LCORL: variants seen among roughly 807,000 people sequenced by gnomAD.
LCORL encodes ligand dependent nuclear receptor corepressor like.
LCORL carries 41 observed loss-of-function variants against 141.8 expected under a neutral mutation model. The observed-to-expected ratio is 0.29, with a 90% CI of 0.23 to 0.38. LCORL has a LOEUF of 0.38. Among genes scored for constraint, LCORL ranks in the 10% least tolerant of loss-of-function variants. The pLI, the probability that LCORL is intolerant of heterozygous loss-of-function variation, is 1.00. For synonymous variants in LCORL, 618 were observed against 694.1 expected (o/e 0.89, Z 1.72); for missense variants, 1,759 against 2,035.0 (o/e 0.86, Z 2.61).
chr4:17,903,837 G>T (rs188044042), intron 5 of LCORL, among the ~76,000 whole-genome samples: 299 of 152,130 alleles, frequency 2.0e-3, no homozygotes, highest in Non-Finnish European at 3.0e-3. Flanking sequence ...AAGTTGAAAA[G>T]ATTTGTAGAG....
At chr4:17,843,207 G>A in exon 8 of LCORL, 13 of 1,361,222 alleles carry the variant, frequency 9.6e-6, no homozygotes, top group Non-Finnish European at 1.3e-5. Context: ...ATTAAACACT[G>A]ATAGAATGTG....
chr4:17,916,365 T>C (rs1209441204), intron 4 of LCORL, among the ~76,000 whole-genome samples: 1 of 152,120 alleles, frequency 6.6e-6, no homozygotes, highest in Admixed American at 6.5e-5. Context: ...AAACCACTGG[T>C]GTTTTGGTAA....
At chr4:17,869,389 C>G (rs73242122) in intron 7 of LCORL, among the ~76,000 whole-genome samples, 28,331 of 151,924 alleles carry the variant, frequency 0.19, 3,440 homozygotes, top group East Asian at 0.46. Flanking sequence ...TGTTAGTCCA[C>G]CAAAGCTACT....
chr4:17,911,937 T>A (rs930845822), intron 4 of LCORL: 7 of 564,692 alleles, frequency 1.2e-5, no homozygotes, highest in Non-Finnish European at 2.4e-5. Flanking sequence ...AAAGTCTGAA[T>A]GGCCAGACCA....
At chr4:17,909,154 C>G (rs778121199) in exon 5 of LCORL, 14 of 1,613,246 alleles carry the variant, frequency 8.7e-6, no homozygotes, top group Non-Finnish European at 1.2e-5. Context: ...CCTTCCTGCT[C>G]TTCCTGAAGG....
At chr4:17,886,773 A>C (rs573659894) in intron 5 of LCORL, among the ~76,000 whole-genome samples, 22 of 152,214 alleles carry the variant, frequency 1.4e-4, no homozygotes, top group African/African-American at 5.3e-4. Context: ...ACGATAATGC[A>C]ACTTTAGAAA....
At chr4:17,866,980 G>A in intron 7 of LCORL, 1 of 985,222 alleles carries the variant, frequency 1.0e-6, no homozygotes, top group Non-Finnish European at 1.2e-6. Context: ...AAGAAGAAAA[G>A]GGTGACCCTT....
At chr4:17,845,838 A>G (rs768308006) in exon 8 of LCORL, 2 of 1,613,622 alleles carry the variant, frequency 1.2e-6, no homozygotes, top group Admixed American at 3.3e-5. Flanking sequence ...TGGGGCTCAA[A>G]GGGCAACTTG....
intron 1 of LCORL, among the ~76,000 whole-genome samples, chr4:17,982,073 T>G (rs1718080629): frequency 6.6e-6 from 1 of 151,538 alleles, no homozygotes; most frequent in East Asian, 1.9e-4. Flanking sequence ...GAGCTTGTTC[T>G]TTTTCATGGC....
At chr4:17,871,863 A>G (rs765012717) in intron 7 of LCORL, among the ~76,000 whole-genome samples, 1 of 151,982 alleles carries the variant, frequency 6.6e-6, no homozygotes, top group Non-Finnish European at 1.5e-5. Context: ...ACTTTGGCCA[A>G]CCTTTAAAAT....
intron 5 of LCORL, among the ~76,000 whole-genome samples, chr4:17,900,368 T>A (rs927149889): frequency 6.6e-6 from 1 of 152,198 alleles, no homozygotes; most frequent in African/African-American, 2.4e-5. Context: ...ATTCCTGCCC[T>A]GAGTTTTGAT....
intron 1 of LCORL, among the ~76,000 whole-genome samples, chr4:17,991,249 T>A (rs1012811129): frequency 1.3e-5 from 2 of 152,202 alleles, no homozygotes; most frequent in African/African-American, 4.8e-5. Flanking sequence ...GCTCATTCAT[T>A]CTTCTTTGCT....
At chr4:17,873,812 G>T (rs1426538159) in exon 7 of LCORL, 7 of 1,233,796 alleles carry the variant, frequency 5.7e-6, no homozygotes, top group Non-Finnish European at 7.1e-6. Flanking sequence ...ATATTCTACA[G>T]TCTTTTAAGG....
intron 1 of LCORL, among the ~76,000 whole-genome samples, chr4:17,974,993 G>A (rs1577602843): frequency 1.3e-5 from 2 of 151,932 alleles, no homozygotes; most frequent in East Asian, 3.9e-4. Context: ...TAAAAATTGA[G>A]TAATTTTATT....
chr4:17,995,205 AT>A (rs10602340), intron 1 of LCORL, among the ~76,000 whole-genome samples: 25,360 of 134,466 alleles, frequency 0.19, 2,192 homozygotes, highest in South Asian at 0.29. Context: ...TCTTTTAAGC[AT>A]TTTTTTTTTT....
chr4:17,944,944 T>C (rs948809537), intron 4 of LCORL, among the ~76,000 whole-genome samples: 1 of 152,144 alleles, frequency 6.6e-6, no homozygotes, highest in African/African-American at 2.4e-5. Flanking sequence ...AATATACAAC[T>C]AGCCAATAGC....
exon 7 of LCORL, chr4:17,875,228 T>C (rs1027174170): frequency 2.4e-6 from 3 of 1,231,548 alleles, no homozygotes; most frequent in African/African-American, 3.1e-5. Context: ...TGCCAGAGAT[T>C]TTCACTTTTG....
chr4:17,981,477 C>G (rs1429299006), intron 1 of LCORL, among the ~76,000 whole-genome samples: 1 of 152,140 alleles, frequency 6.6e-6, no homozygotes, highest in Admixed American at 6.6e-5. Context: ...TTTCCTTCAG[C>G]CAGACACGGT....
chr4:17,948,309 G>C (rs1739203442), intron 4 of LCORL, among the ~76,000 whole-genome samples: 2 of 151,920 alleles, frequency 1.3e-5, no homozygotes, highest in Admixed American at 6.6e-5. Context: ...CCACAGAGTA[G>C]GGTTTTAAAC....
Sources: allele counts gnomAD v4.1 joint callset (sites outside exome capture counted in the v4.1 genomes callset), GRCh38; gene constraint gnomAD v4.1.1; transcripts MANE v1.5; gene names NCBI Gene and HGNC (gene_info 2026-07-23, HGNC 2026-07-21).